The following MTMR9 variants were observed in gnomAD, a reference collection of about 807,000 sequenced individuals.
MTMR9 encodes myotubularin related protein 9, also known as myotubularin-related protein 9.
MTMR9 carries 39 observed loss-of-function variants against 69.5 expected under a neutral mutation model. That is an observed-to-expected ratio of 0.56 (90% CI 0.43 to 0.73). MTMR9 has a LOEUF of 0.73. Among genes scored for constraint, MTMR9 ranks in the 30% least tolerant of loss-of-function variants. The pLI, the probability that MTMR9 is intolerant of heterozygous loss-of-function variation, is 0.00. For synonymous variants in MTMR9, 354 were observed against 240.8 expected (o/e 1.47, Z -4.35); for missense variants, 900 against 671.2 (o/e 1.34, Z -3.77).
chr8:11,297,989 G>A, intron 2 of MTMR9: 1 of 455,886 alleles, frequency 2.2e-6, no homozygotes, highest in South Asian at 1.6e-5. Flanking sequence ...GCATAGCTGA[G>A]CTGTCCTTTG....
chr8:11,334,332 A>G, the MTMR9 span, among the ~76,000 whole-genome samples: 3 of 152,356 alleles, frequency 2.0e-5, no homozygotes, highest in Admixed American at 1.3e-4. Context: ...AATAAATGTT[A>G]TTGAGCACTC....
intron 2 of MTMR9, among the ~76,000 whole-genome samples, chr8:11,296,020 A>T (rs1467885149): frequency 6.6e-6 from 1 of 152,158 alleles, no homozygotes; most frequent in Non-Finnish European, 1.5e-5. Flanking sequence ...ATATACTAGT[A>T]TATCTTTTGT....
chr8:11,309,827 G>C, intron 6 of MTMR9, 139 bp downstream of exon 6: 1 of 823,462 alleles, frequency 1.2e-6, no homozygotes, highest in Non-Finnish European at 1.8e-6. Context: ...TCCCATTATT[G>C]ATGAGGTGTG....
At chr8:11,336,954 C>T in the MTMR9 span, among the ~76,000 whole-genome samples, 2 of 152,052 alleles carry the variant, frequency 1.3e-5, no homozygotes, top group Non-Finnish European at 2.9e-5. Flanking sequence ...CTCAGGTTGC[C>T]GGAGTTCTTG....
the MTMR9 span, among the ~76,000 whole-genome samples, chr8:11,338,700 C>T: frequency 1.3e-5 from 2 of 152,268 alleles, no homozygotes; most frequent in East Asian, 1.9e-4. Flanking sequence ...TGAAGGCTGA[C>T]GTCAGCTGGC....
At chr8:11,321,162 T>G (rs1358109402) in intron 9 of MTMR9, 1 of 207,540 alleles carries the variant, frequency 4.8e-6, no homozygotes, top group East Asian at 1.2e-4. Flanking sequence ...TCTAATCTTA[T>G]CTATTGAAGT....
Position 11,324,066 on chromosome 8 carries a change from TTTTTCTTTAA to T in MTMR9, c.*1279_*1288del, listed in dbSNP as rs1800814082. 6.6e-6 allele frequency: 1 copy of T among 152,202 alleles called. No individual in the cohort carries two copies. Among genetic ancestry groups the T allele is most frequent in the African/African-American group, 2.4e-5 (1 of 41,446 alleles). The allele number at this position is 152,202 out of a possible 1,614,324, so 9.4% of individuals were successfully genotyped here. A position where few individuals can be genotyped will look rare whatever the true frequency, so the allele number is the denominator to read the frequency against. On this transcript the variant is annotated 3_prime_UTR_variant, in exon 10 of 10. Coordinates refer to ENST00000221086, the MANE Select transcript of MTMR9 (RefSeq NM_015458.4). ...TTTTAACAAATATGACCGAGTCTAG[TTTTTCTTTAA>T]AAGGATAGTTTATGAGTAATCTTTA...
At position 11,300,075 on chromosome 8, in the gene MTMR9, C is replaced by G; in HGVS notation, c.344C>G (p.Pro115Arg). The change falls in exon 3 of 10, where the codon CCT (proline) becomes CGT (arginine). Residue 115 changes from proline (P) to arginine (R), a missense_variant. Pro to Arg is a moderately radical substitution (Grantham distance 103). Transcript: ENST00000221086. ...ITLMYPFFYR[P>R]MFEVIEDGWH... The stretch of plus-strand genomic sequence containing the variant: ...CTGATGTACCCTTTCTTTTACCGTC[C>G]TATGTTTGAAGTGATAGAAGATGGC... The G allele has an allele frequency of 1.9e-6, 3 of 1,613,566 alleles. No homozygotes were observed. Among genetic ancestry groups the G allele is most frequent in the Non-Finnish European group, 2.5e-6 (3 of 1,179,674 alleles).
At chr8:11,290,097 C>T (rs577570497) in intron 1 of MTMR9, among the ~76,000 whole-genome samples, 8 of 152,288 alleles carry the variant, frequency 5.3e-5, no homozygotes, top group South Asian at 2.1e-4. Context: ...GAGGGTACCT[C>T]GTCTCCACTT....
Position 11,284,987 on chromosome 8 carries a change from C to T in MTMR9, c.99C>T (p.Gly33=), listed in dbSNP as rs776218165. ...PAVEGTLCLT[G]HHLILSSRQD... ...TCGAGGGCACCCTGTGCCTGACGGG[C>T]CACCACTTGATCCTGTCCTCCCGGC... The change falls in exon 1 of 10, where the codon GGC becomes GGT. Residue 33 remains glycine, a synonymous_variant. Transcript: ENST00000221086. The T allele has an allele frequency of 1.9e-6, 3 of 1,613,866 alleles. No individual in the cohort carries two copies. The highest frequency in any genetic ancestry group is 2.2e-5 in the East Asian group (1 of 44,828).
chr8:11,331,163 C>G, downstream of MTMR9: 1 of 1,612,776 alleles, frequency 6.2e-7, no homozygotes, highest in Non-Finnish European at 8.5e-7. Flanking sequence ...CATCGCCGCC[C>G]TCCGCTCCAC....
chr8:11,313,112 C>G (rs960472429), intron 6 of MTMR9, among the ~76,000 whole-genome samples: 1 of 152,212 alleles, frequency 6.6e-6, no homozygotes, highest in Non-Finnish European at 1.5e-5. Flanking sequence ...CAAATAATCA[C>G]TGGCTTCAGC....
downstream of MTMR9, chr8:11,331,313 G>A (rs780494603): frequency 2.3e-5 from 37 of 1,613,836 alleles, no homozygotes; most frequent in Admixed American, 1.2e-4. Context: ...ACCTGCCCTC[G>A]CTGGAGCTGC....
In MTMR9 at chr8:11,306,179, T is replaced by C; in HGVS notation, c.592-11T>C. On this transcript the variant is annotated splice_polypyrimidine_tract_variant and intron_variant, in intron 4 of 9. Coordinates refer to ENST00000221086, the MANE Select transcript of MTMR9 (RefSeq NM_015458.4). ...ACTGCTGTTGAATTTTCAGCTTTAT[T>C]ATGCTTCTAGGTAATTATGCGAAGT... is the stretch of plus-strand genomic sequence containing the variant. 1 of 1,611,342 alleles carries C rather than the reference T, an allele frequency of 6.2e-7. No homozygotes were observed. Among genetic ancestry groups the C allele is most frequent in the Non-Finnish European group, 8.5e-7 (1 of 1,179,298 alleles).
downstream of MTMR9, among the ~76,000 whole-genome samples, chr8:11,329,098 C>G (rs1364034840): frequency 6.6e-6 from 1 of 152,146 alleles, no homozygotes; most frequent in Non-Finnish European, 1.5e-5. Context: ...TATGCATATT[C>G]ATTTCTGTGC....
chr8:11,313,771 T>C (rs2117436322), intron 6 of MTMR9, among the ~76,000 whole-genome samples: 1 of 152,288 alleles, frequency 6.6e-6, no homozygotes, highest in Admixed American at 6.5e-5. Flanking sequence ...CCCCCAAAAC[T>C]TGTAGAAGTA....
At chr8:11,297,848 C>T (rs569909942) in intron 2 of MTMR9, 1 of 455,910 alleles carries the variant, frequency 2.2e-6, no homozygotes, top group Non-Finnish European at 4.4e-6. Context: ...AATGTTCTTA[C>T]AGCGTAGTGA....
At position 11,326,013 on chromosome 8, in the gene MTMR9, T is replaced by G. The variant is rs1234032636; in HGVS notation, c.*3225T>G. 6.6e-6 allele frequency: 1 copy of G among 152,214 alleles called. No individual in the cohort carries two copies. Among genetic ancestry groups the G allele is most frequent in the Non-Finnish European group, 1.5e-5 (1 of 68,044 alleles). The allele number at this position is 152,214 out of a possible 1,614,324, so 9.4% of individuals were successfully genotyped here. A position where few individuals can be genotyped will look rare whatever the true frequency, so the allele number is the denominator to read the frequency against. On this transcript the variant is annotated 3_prime_UTR_variant, in exon 10 of 10. Coordinates refer to ENST00000221086, the MANE Select transcript of MTMR9 (RefSeq NM_015458.4). ...ATTTAGGGGTGGGATTTTATTGCTT[T>G]TTGTTTTAAAGGATGAAATTTTGTG...
intron 4 of MTMR9, 90 bp downstream of exon 4, chr8:11,305,104 C>A (rs1410929958): frequency 1.6e-6 from 2 of 1,243,198 alleles, no homozygotes; most frequent in African/African-American, 3.0e-5. Context: ...TCTGTCTGTT[C>A]ACTGAAATGA....
Sources: allele counts gnomAD v4.1 joint callset (sites outside exome capture counted in the v4.1 genomes callset), GRCh38; gene constraint gnomAD v4.1.1; transcripts MANE v1.5; gene names NCBI Gene and HGNC (gene_info 2026-07-23, HGNC 2026-07-21).